The following MERTK variants were observed in gnomAD, a reference collection of about 807,000 sequenced individuals.
The protein encoded by MERTK is tyrosine-protein kinase Mer.
MERTK carries 69 observed loss-of-function variants against 99.3 expected under a neutral mutation model. The observed-to-expected ratio is 0.70, with a 90% CI of 0.57 to 0.85. The LOEUF (loss-of-function observed/expected upper bound fraction) is 0.85. Ranked by LOEUF, MERTK falls within the 40% of genes least tolerant of loss-of-function variation. MERTK has a pLI of 0.00. For synonymous variants in MERTK, 426 were observed against 467.6 expected (o/e 0.91, Z 1.15); for missense variants, 1,125 against 1,249.4 (o/e 0.90, Z 1.50).
intron 1 of MERTK, among the ~76,000 whole-genome samples, chr2:111,916,175 G>A (rs1299324027): frequency 2.0e-5 from 3 of 151,992 alleles, no homozygotes; most frequent in African/African-American, 7.2e-5. Context: ...AAGTGCAGTG[G>A]CACTCTGATG....
At chr2:112,020,374 C>A (rs1677313813) in intron 16 of MERTK, among the ~76,000 whole-genome samples, 1 of 152,130 alleles carries the variant, frequency 6.6e-6, no homozygotes, top group Non-Finnish European at 1.5e-5. Flanking sequence ...TTGCAGTTTA[C>A]CCTGGCCTGA....
rs119489105 is a variant in MERTK, at chr2:112,008,466, C to T, written c.1951C>T (p.Arg651Ter). 75 of 1,613,540 alleles carry T rather than the reference C, an allele frequency of 4.6e-5. No individual in the cohort carries two copies. The highest frequency in any genetic ancestry group is 6.3e-5 in the Non-Finnish European group (74 of 1,179,570). ...MKDFSHPNVIRLLGVCIEMSS... is the reference protein window; with the variant it reads ...MKDFSHPNVI ...AGACTTCAGCCACCCAAATGTCATT[C>T]GACTTCTAGGTACTTCCGAGAAATG... The change falls in exon 14 of 19, where the codon CGA (arginine) becomes TGA (stop). Residue 651 changes from arginine (R) to a stop codon, truncating the protein, a stop_gained. Transcript: ENST00000295408. LOFTEE classifies it high-confidence loss of function.
chr2:112,010,607 T>C (rs570577511), intron 15 of MERTK, among the ~76,000 whole-genome samples: 84 of 152,274 alleles, frequency 5.5e-4, no homozygotes, highest in African/African-American at 2.0e-3. Context: ...CAGTTACGGA[T>C]CATCTAGGAA....
chr2:112,021,681 A>C (rs1677353844), intron 17 of MERTK, 100 bp downstream of exon 17: 1 of 1,145,810 alleles, frequency 8.7e-7, no homozygotes, highest in Admixed American at 1.8e-5. Flanking sequence ...TTACTCTTTG[A>C]TAAACTGAGG....
intron 1 of MERTK, among the ~76,000 whole-genome samples, chr2:111,914,466 A>G (rs1347144589): frequency 2.6e-5 from 4 of 151,872 alleles, no homozygotes; most frequent in African/African-American, 9.7e-5. Context: ...TTTAGTAGAG[A>G]CAGGGTTTCA....
intron 15 of MERTK, among the ~76,000 whole-genome samples, chr2:112,014,501 T>C (rs548371763): frequency 6.6e-6 from 1 of 151,750 alleles, no homozygotes; most frequent in East Asian, 1.9e-4. Context: ...TTCTTGGGGG[T>C]GTGGAAATTT....
intron 9 of MERTK, chr2:111,995,500 A>C (rs1283766419): frequency 5.3e-6 from 1 of 188,376 alleles, no homozygotes; most frequent in Non-Finnish European, 1.1e-5. Context: ...TTGAGTTCCC[A>C]CCTGTCTGTT....
intron 5 of MERTK, among the ~76,000 whole-genome samples, chr2:111,966,090 T>C (rs1003821316): frequency 3.3e-5 from 5 of 152,234 alleles, no homozygotes; most frequent in Non-Finnish European, 7.3e-5. Flanking sequence ...TAGTGTGTCA[T>C]AGAAATTCAA....
chr2:111,952,726 C>T (rs1440380530), intron 4 of MERTK: 2 of 152,156 alleles, frequency 1.3e-5, no homozygotes. Context: ...GCTACCAAAG[C>T]GAGCACCACC....
rs998705470 is a variant in MERTK, at chr2:111,964,134, T to C, written c.758-1057T>C. On this transcript the variant is annotated intron_variant, in intron 4 of 18. Coordinates refer to ENST00000295408, the MANE Select transcript of MERTK (RefSeq NM_006343.3). Reference sequence around the variant, plus strand: ...GAGTGGGGAGTTATGCTCCACCTCTTTGAGGGCAGAATATCCAATAAACTA... The same window carrying C: ...GAGTGGGGAGTTATGCTCCACCTCTCTGAGGGCAGAATATCCAATAAACTA... Among the ~76,000 whole-genome samples, 12 of 151,640 alleles carry C rather than the reference T, an allele frequency of 7.9e-5. No homozygotes were observed. In the East Asian group the frequency reaches 2.1e-3, roughly 27 times the overall value.
intron 2 of MERTK, among the ~76,000 whole-genome samples, chr2:111,932,679 T>C (rs1684695785): frequency 6.6e-6 from 1 of 152,172 alleles, no homozygotes; most frequent in Admixed American, 6.6e-5. Flanking sequence ...ATGGGTTTAT[T>C]TTAGAGAAAT....
At chr2:112,001,817 T>G (rs1676876834) in intron 11 of MERTK, among the ~76,000 whole-genome samples, 1 of 152,188 alleles carries the variant, frequency 6.6e-6, no homozygotes, top group South Asian at 2.1e-4. Flanking sequence ...AAATTCATGC[T>G]TCTGGATGTT....
intron 4 of MERTK, among the ~76,000 whole-genome samples, chr2:111,948,678 A>T (rs982597056): frequency 8.5e-5 from 13 of 152,082 alleles, no homozygotes; most frequent in Admixed American, 2.6e-4. Flanking sequence ...CCTACAATAC[A>T]TCTGAAATCT....
At chr2:111,974,358 G>T (rs1345705506) in intron 6 of MERTK, among the ~76,000 whole-genome samples, 2 of 151,700 alleles carry the variant, frequency 1.3e-5, no homozygotes, top group African/African-American at 4.8e-5. Context: ...TTGCACTCCA[G>T]CCTGGGCAAC....
At chr2:111,908,734 A>G (rs1236687496) in intron 1 of MERTK, among the ~76,000 whole-genome samples, 3 of 152,360 alleles carry the variant, frequency 2.0e-5, no homozygotes, top group South Asian at 4.1e-4. Flanking sequence ...GATAAAGTCA[A>G]TGACCTGGCT....
chr2:112,021,153 T>C (rs1174125930), intron 16 of MERTK, among the ~76,000 whole-genome samples: 1 of 151,826 alleles, frequency 6.6e-6, no homozygotes, highest in Non-Finnish European at 1.5e-5. Flanking sequence ...TGAGCCGAGA[T>C]CATGCCACTG....
At chr2:111,988,203 C>T (rs540853982) in intron 8 of MERTK, among the ~76,000 whole-genome samples, 1 of 152,212 alleles carries the variant, frequency 6.6e-6, no homozygotes, top group East Asian at 1.9e-4. Context: ...ATGTGCCCAC[C>T]GCCTCTTCCT....
chr2:111,917,808 C>A (rs982013024), intron 1 of MERTK, among the ~76,000 whole-genome samples: 2 of 151,508 alleles, frequency 1.3e-5, no homozygotes, highest in Non-Finnish European at 2.9e-5. Context: ...TCGCTTAAAC[C>A]TGGGAGGTGG....
intron 1 of MERTK, among the ~76,000 whole-genome samples, chr2:111,910,511 C>T (rs1025209667): frequency 2.0e-5 from 3 of 151,684 alleles, no homozygotes; most frequent in East Asian, 3.9e-4. Flanking sequence ...CTCAGGTGAT[C>T]CACCCGCCTC....
Sources: allele counts gnomAD v4.1 joint callset (sites outside exome capture counted in the v4.1 genomes callset), GRCh38; gene constraint gnomAD v4.1.1; transcripts MANE v1.5; gene names NCBI Gene and HGNC (gene_info 2026-07-23, HGNC 2026-07-21).